TIPIN: variants seen among roughly 807,000 people sequenced by gnomAD.
TIPIN encodes TIMELESS-interacting protein.
TIPIN carries 29 observed loss-of-function variants against 35.6 expected under a neutral mutation model. The ratio of observed to expected loss-of-function variants is 0.82; its 90% confidence interval spans 0.61 to 1.11. The LOEUF is 1.11. TIPIN is among the 50% of genes most tolerant of loss of function. The pLI is 0.00. For synonymous variants in TIPIN, 102 were observed against 121.5 expected (o/e 0.84, Z 1.06); for missense variants, 296 against 345.4 (o/e 0.86, Z 1.13).
At chr15:66,367,204 A>ATATCTATATCTATATCTATATCTG (rs1373414736) in intron 1 of TIPIN, among the ~76,000 whole-genome samples, 1 of 129,236 alleles carries the variant, frequency 7.7e-6, no homozygotes, top group South Asian at 2.8e-4. Context: ...ATCTATATCT[A>ATATCTATATCTATATCTATATCTG]TATCTATATC....
At chr15:66,360,630 G>A (rs924928015), upstream of TIPIN, among the ~76,000 whole-genome samples, 16 of 152,140 alleles carry the variant, frequency 1.1e-4, no homozygotes, top group African/African-American at 3.9e-4. Context: ...AGGAGTTCAA[G>A]ACCAGTCTGG....
chr15:66,353,502 T>A (rs994784725), intron 1 of TIPIN, among the ~76,000 whole-genome samples: 1 of 150,812 alleles, frequency 6.6e-6, no homozygotes, highest in Non-Finnish European at 1.5e-5. Flanking sequence ...TGTAGTCCCA[T>A]CCACTCGGCA....
At chr15:66,365,839 C>T (rs564652469) in intron 1 of TIPIN, among the ~76,000 whole-genome samples, 2 of 152,180 alleles carry the variant, frequency 1.3e-5, no homozygotes, top group African/African-American at 4.8e-5. Flanking sequence ...GCCACCGCGC[C>T]CAGCCTGCTC....
intron 7 of TIPIN, among the ~76,000 whole-genome samples, chr15:66,340,368 G>T (rs1410552257): frequency 6.6e-6 from 1 of 151,030 alleles, no homozygotes; most frequent in East Asian, 1.9e-4. Flanking sequence ...AGTAGAGGTG[G>T]GGTTTCACCA....
At chr15:66,342,439 T>C (rs542074975) in intron 6 of TIPIN, among the ~76,000 whole-genome samples, 4 of 152,186 alleles carry the variant, frequency 2.6e-5, no homozygotes, top group South Asian at 2.1e-4. Context: ...TCTTGGCTCA[T>C]TGCAACCTCC....
intron 1 of TIPIN, among the ~76,000 whole-genome samples, chr15:66,385,915 G>C (rs1418165843): frequency 6.6e-6 from 1 of 151,864 alleles, no homozygotes; most frequent in Non-Finnish European, 1.5e-5. Context: ...CTCCTCAGTA[G>C]CTTGGACGAC....
chr15:66,351,711 C>A (rs2093169364), intron 3 of TIPIN, 111 bp from the exon 4 acceptor site: 1 of 856,358 alleles, frequency 1.2e-6, no homozygotes, highest in South Asian at 1.7e-5. Flanking sequence ...GATCTCGGGT[C>A]ACTGCAAGCT....
At chr15:66,379,765 T>C in intron 1 of TIPIN, 5 of 1,605,066 alleles carry the variant, frequency 3.1e-6, no homozygotes, top group South Asian at 1.1e-5. Flanking sequence ...TCTTTTTTTT[T>C]CTTTCCAAGA....
upstream of TIPIN, among the ~76,000 whole-genome samples, chr15:66,358,546 T>G (rs553782720): frequency 6.6e-6 from 1 of 151,878 alleles, no homozygotes; most frequent in African/African-American, 2.4e-5. Flanking sequence ...CCCAGGTAAC[T>G]GGCACTACAG....
intron 1 of TIPIN, chr15:66,379,919 C>G (rs529082789): frequency 7.0e-7 from 1 of 1,428,658 alleles, no homozygotes; most frequent in African/African-American, 1.4e-5. Flanking sequence ...TCTTCACTCT[C>G]GCAGTACACA....
At chr15:66,341,082 G>T in intron 7 of TIPIN, 68 bp downstream of exon 7, 2 of 1,406,080 alleles carry the variant, frequency 1.4e-6, no homozygotes, top group Non-Finnish European at 2.0e-6. Context: ...GGCTAGCAGA[G>T]AAGTTAAAAT....
At position 66,337,149 on chromosome 15, in the gene TIPIN, C is replaced by T; in HGVS notation, c.715G>A (p.Val239Ile). ...TCCTCATCAGTATTAACCTCTTCAA[C>T]CGTGTGTGCCCTGGGTGTATTCATT... is the stretch of plus-strand genomic sequence containing the variant. ...MLMNTPRAHT[V>I]EEVNTDEDQK... Residue 239 changes from valine to isoleucine, a missense_variant, in exon 8 of 8, where the codon GTT becomes ATT. Val to Ile is a conservative substitution (Grantham distance 29). Transcript: ENST00000261881. The T allele has an allele frequency of 1.9e-6, 3 of 1,613,864 alleles. No homozygotes were observed. The highest frequency in any genetic ancestry group is 1.7e-6 in the Non-Finnish European group (2 of 1,179,972).
At chr15:66,357,817 G>A (rs556057908), upstream of TIPIN, among the ~76,000 whole-genome samples, 3 of 151,994 alleles carry the variant, frequency 2.0e-5, no homozygotes, top group Non-Finnish European at 4.4e-5. Flanking sequence ...TTAGCCGGGC[G>A]TGGTGGCGCG....
intron 6 of TIPIN, chr15:66,348,374 CA>C (rs1401915969): frequency 1.7e-4 from 25 of 146,304 alleles, no homozygotes; most frequent in South Asian, 4.3e-4. Flanking sequence ...GGCTAGTCTT[CA>C]AAAAAAAAAT....
intron 4 of TIPIN, 121 bp downstream of exon 4, chr15:66,351,404 A>G: frequency 1.3e-6 from 1 of 743,938 alleles, no homozygotes; most frequent in Non-Finnish European, 2.3e-6. Context: ...ACTGTTTCTC[A>G]AGACATACGA....
At chr15:66,346,504 A>G (rs993628584) in intron 6 of TIPIN, among the ~76,000 whole-genome samples, 6 of 151,938 alleles carry the variant, frequency 3.9e-5, no homozygotes, top group African/African-American at 1.5e-4. Flanking sequence ...TCTCCTTTGC[A>G]TCCCACCCTG....
intron 1 of TIPIN, chr15:66,371,546 C>G: frequency 3.7e-6 from 1 of 272,804 alleles, no homozygotes; most frequent in Non-Finnish European, 5.6e-6. Context: ...TGGAGTCTCA[C>G]TCTGTTGCCC....
At chr15:66,359,847 G>C (rs778983662), upstream of TIPIN, among the ~76,000 whole-genome samples, 12 of 152,294 alleles carry the variant, frequency 7.9e-5, no homozygotes, top group African/African-American at 2.9e-4. Flanking sequence ...AAAACGAACA[G>C]AGCAGATACT....
At chr15:66,345,448 C>T (rs756144071) in intron 6 of TIPIN, among the ~76,000 whole-genome samples, 1 of 152,166 alleles carries the variant, frequency 6.6e-6, no homozygotes, top group African/African-American at 2.4e-5. Flanking sequence ...GGCTCACTGG[C>T]TCACGCCTGT....
Sources: gnomAD v4.1 joint callset for allele counts (sites outside exome capture counted in the v4.1 genomes callset) on GRCh38, gnomAD v4.1.1 for gene constraint, MANE v1.5 for transcripts, NCBI Gene and HGNC (gene_info 2026-07-23, HGNC 2026-07-21) for gene names.